CELF2: variants seen among roughly 807,000 people sequenced by gnomAD.
CELF2 encodes CUGBP Elav-like family member 2.
A neutral mutation model predicts 62.6 loss-of-function variants in CELF2; 8 were observed. The observed-to-expected ratio is 0.13, with a 90% CI of 0.07 to 0.23. The LOEUF (loss-of-function observed/expected upper bound fraction) is 0.23. CELF2 is among the 10% of genes least tolerant of loss of function. The probability of loss-of-function intolerance (pLI) is 1.00; values close to 1 mark genes in which losing one functional copy is unlikely to be tolerated. For synonymous variants in CELF2, 258 were observed against 250.0 expected (o/e 1.03, Z -0.30); for missense variants, 333 against 671.0 (o/e 0.50, Z 5.56).
chr10:10,494,931 C>T, the CELF2 span, among the ~76,000 whole-genome samples: 1 of 152,106 alleles, frequency 6.6e-6, no homozygotes, highest in Non-Finnish European at 1.5e-5. Context: ...TTAATATTAG[C>T]CTATAAGCAA....
intron 1 of CELF2, among the ~76,000 whole-genome samples, chr10:11,036,019 C>T (rs2060890771): frequency 6.6e-6 from 1 of 152,186 alleles, no homozygotes; most frequent in Non-Finnish European, 1.5e-5. Flanking sequence ...TATATCTGCA[C>T]TGATGTGAGA....
chr10:10,696,608 G>T, the CELF2 span, among the ~76,000 whole-genome samples: 39 of 152,096 alleles, frequency 2.6e-4, no homozygotes, highest in South Asian at 1.9e-3. Flanking sequence ...CAGCCTCGCT[G>T]CGGCCTTGCA....
chr10:10,919,768 G>A (rs555323650), intron 1 of CELF2, among the ~76,000 whole-genome samples: 24 of 152,144 alleles, frequency 1.6e-4, no homozygotes, highest in Non-Finnish European at 3.2e-4. Context: ...TAAAATTTCC[G>A]TTGAAAGTAA....
At chr10:11,061,394 A>T (rs953793274) in intron 1 of CELF2, among the ~76,000 whole-genome samples, 2 of 152,228 alleles carry the variant, frequency 1.3e-5, no homozygotes, top group Non-Finnish European at 2.9e-5. Context: ...AGGTTGGGTG[A>T]TGAGGGTGAA....
intron 2 of CELF2, among the ~76,000 whole-genome samples, chr10:11,167,545 T>A (rs1052141831): frequency 6.6e-6 from 1 of 152,232 alleles, no homozygotes; most frequent in African/African-American, 2.4e-5. Context: ...AAGTCCTTTT[T>A]CCCAGTCAGG....
the CELF2 span, among the ~76,000 whole-genome samples, chr10:10,500,369 T>A: frequency 1.3e-5 from 2 of 152,226 alleles, no homozygotes; most frequent in African/African-American, 2.4e-5. Flanking sequence ...AATCTCATCT[T>A]GAATCGTAGC....
At chr10:10,619,898 C>T in the CELF2 span, among the ~76,000 whole-genome samples, 10 of 152,008 alleles carry the variant, frequency 6.6e-5, no homozygotes, top group Admixed American at 6.6e-4. Flanking sequence ...GGATGGGATA[C>T]AGGGTTGAAG....
the CELF2 span, among the ~76,000 whole-genome samples, chr10:10,631,754 G>A: frequency 1.3e-5 from 2 of 152,090 alleles, no homozygotes; most frequent in African/African-American, 4.8e-5. Flanking sequence ...TAGCATACAT[G>A]AGATTCTACT....
rs1292735024 is a variant in CELF2, at chr10:11,316,945, GTGAT to G, written c.1096+2691_1096+2694del. 1 of 152,230 alleles carries G rather than the reference GTGAT, an allele frequency of 6.6e-6. No homozygotes were observed. Among genetic ancestry groups the G allele is most frequent in the East Asian group, 1.9e-4 (1 of 5,198 alleles). 9.4% of individuals were successfully genotyped at this position (152,230 alleles called of 1,614,324 possible). On this transcript the variant is annotated intron_variant, in intron 10 of 12. Transcript: ENST00000633077. The surrounding 1 kb of genome is among the most constrained non-coding windows in gnomAD (Gnocchi z 4.4). ...ATCCAGATCAGAAGAAGGAACACATGTGATTGACCATCAGAGTGTTCACCTCTGG... is the reference window on the plus strand; with the variant it reads ...ATCCAGATCAGAAGAAGGAACACATGTGACCATCAGAGTGTTCACCTCTGG...
At chr10:11,105,005 T>A (rs1023565578) in intron 1 of CELF2, among the ~76,000 whole-genome samples, 5 of 152,194 alleles carry the variant, frequency 3.3e-5, no homozygotes, top group Non-Finnish European at 5.9e-5. Context: ...ATGAAGACCC[T>A]GGTTCAGCTG....
intron 1 of CELF2, among the ~76,000 whole-genome samples, chr10:11,155,817 A>G (rs564363858): frequency 1.3e-5 from 2 of 152,134 alleles, no homozygotes; most frequent in African/African-American, 2.4e-5. Flanking sequence ...TTCACATCCA[A>G]CCTCACACTG....
chr10:11,197,274 C>G (rs2058208627), intron 2 of CELF2, among the ~76,000 whole-genome samples: 1 of 152,108 alleles, frequency 6.6e-6, no homozygotes, highest in Admixed American at 6.5e-5. Context: ...ACTCTGCACT[C>G]TGTCCGTGAT....
At chr10:10,849,398 C>T (rs1222379851) in intron 1 of CELF2, among the ~76,000 whole-genome samples, 1 of 152,062 alleles carries the variant, frequency 6.6e-6, no homozygotes, top group African/African-American at 2.4e-5. Context: ...CAGAGCAAGA[C>T]TCCATCTCCA....
chr10:10,882,839 C>T (rs1160416038), intron 1 of CELF2, among the ~76,000 whole-genome samples: 2 of 152,100 alleles, frequency 1.3e-5, no homozygotes, highest in African/African-American at 4.8e-5. Flanking sequence ...CACTGCTAAC[C>T]TTTGATCTCT....
At chr10:11,033,200 T>C (rs546564073) in intron 1 of CELF2, among the ~76,000 whole-genome samples, 10 of 152,182 alleles carry the variant, frequency 6.6e-5, no homozygotes, top group Admixed American at 1.3e-4. Context: ...GCAACTCAAT[T>C]TGTACATCTC....
At chr10:10,636,838 G>A in the CELF2 span, among the ~76,000 whole-genome samples, 24 of 152,200 alleles carry the variant, frequency 1.6e-4, no homozygotes, top group African/African-American at 5.1e-4. Context: ...TGAAAACCTA[G>A]AATTATGAGA....
At chr10:11,299,798 G>T (rs1591009074) in intron 9 of CELF2, among the ~76,000 whole-genome samples, 2 of 123,718 alleles carry the variant, frequency 1.6e-5, no homozygotes, top group East Asian at 4.7e-4. Context: ...TGTCCCCCTT[G>T]TAAGGAGATC....
chr10:10,470,987 G>C, the CELF2 span, among the ~76,000 whole-genome samples: 4 of 150,908 alleles, frequency 2.7e-5, no homozygotes, highest in Non-Finnish European at 3.0e-5. Context: ...TCATTTTAGT[G>C]TCTAATTTCT....
rs1672217927 is a variant in CELF2 at position 10,936,851 on chromosome 10, T to C, written c.89+16852T>C. The stretch of plus-strand genomic sequence containing the variant: ...GTTTAAATGCATGTTCTGATTCAGC[T>C]GGTCTGGGGCAAAACCTGAAATTCT... On this transcript the variant is annotated intron_variant, in intron 2 of 13. Coordinates refer to the CELF2 transcript ENST00000636488. The surrounding 1 kb of genome is among the most constrained non-coding windows in gnomAD (Gnocchi z 4.0). 1 of 152,236 alleles carries C rather than the reference T, an allele frequency of 6.6e-6. No homozygotes were observed. The highest frequency in any genetic ancestry group is 1.5e-5 in the Non-Finnish European group (1 of 68,068). 9.4% of individuals were successfully genotyped at this position (152,236 alleles called of 1,614,324 possible).
Sources: allele counts gnomAD v4.1 joint callset (sites outside exome capture counted in the v4.1 genomes callset), GRCh38; gene constraint gnomAD v4.1.1; non-coding constraint Gnocchi (gnomAD v3.1); transcripts MANE v1.5; gene names NCBI Gene and HGNC (gene_info 2026-07-23, HGNC 2026-07-21).